MYH15: variants seen among roughly 807,000 people sequenced by gnomAD.
The protein encoded by MYH15 is myosin heavy chain 15.
A neutral mutation model predicts 240.5 loss-of-function variants in MYH15; 227 were observed. The ratio of observed to expected loss-of-function variants is 0.94; its 90% CI spans 0.85 to 1.05. The LOEUF is 1.05. MYH15 is among the 50% of genes least tolerant of loss of function. The probability of loss-of-function intolerance (pLI) is 0.00; values close to 1 mark genes in which losing one functional copy is unlikely to be tolerated. For missense variants in MYH15, 2,217 were observed against 2,247.5 expected (o/e 0.99, Z 0.27); for synonymous variants, 785 against 796.7 (o/e 0.99, Z 0.25).
chr3:108,488,115 T>G (rs1017071345), intron 9 of MYH15, among the ~76,000 whole-genome samples: 3 of 152,164 alleles, frequency 2.0e-5, no homozygotes, highest in African/African-American at 4.8e-5. Context: ...GTTAGCCATT[T>G]CAAGTATATA....
chr3:108,544,129 T>A, the MYH15 span, among the ~76,000 whole-genome samples: 3 of 152,184 alleles, frequency 2.0e-5, no homozygotes, highest in Non-Finnish European at 2.9e-5. Context: ...TTTGTTCAGC[T>A]TTTTTTCTTG....
chr3:108,517,865 T>C (rs141808857), intron 1 of MYH15, among the ~76,000 whole-genome samples: 116 of 152,340 alleles, frequency 7.6e-4, no homozygotes, highest in African/African-American at 2.7e-3. Context: ...GTTTCCACTC[T>C]AATGGACATG....
chr3:108,502,913 C>T lies in MYH15; in HGVS notation c.196-1058G>A, dbSNP rs1477856991. Reference sequence around the variant, plus strand: ...AAACCCATGCAGAACGTAAACATATCTCATACATCTTCAAAAACCTCCCCT... The same window carrying T: ...AAACCCATGCAGAACGTAAACATATTTCATACATCTTCAAAAACCTCCCCT... On this transcript the variant is annotated intron_variant, in intron 2 of 40. Transcript: ENST00000693548. Among the ~76,000 whole-genome samples the T allele has an allele frequency of 3.3e-5, 5 of 152,140 alleles. No homozygotes were observed. The East Asian group carries it at 7.7e-4, about 23-fold the overall frequency.
At chr3:108,511,880 T>C (rs1339111053), upstream of MYH15, among the ~76,000 whole-genome samples, 2 of 152,210 alleles carry the variant, frequency 1.3e-5, no homozygotes, top group African/African-American at 4.8e-5. Context: ...ATACCACTTG[T>C]AGGATCTAGT....
At chr3:108,535,635 C>T in the MYH15 span, among the ~76,000 whole-genome samples, 1 of 152,084 alleles carries the variant, frequency 6.6e-6, no homozygotes, top group African/African-American at 2.4e-5. Context: ...TTAATATACA[C>T]CCAAATTTGA....
intron 21 of MYH15, among the ~76,000 whole-genome samples, chr3:108,446,167 T>A (rs1576238755): frequency 2.0e-5 from 3 of 152,028 alleles, no homozygotes; most frequent in African/African-American, 7.3e-5. Context: ...TCAACAAGGG[T>A]GTTCCAGTAG....
upstream of MYH15, among the ~76,000 whole-genome samples, chr3:108,533,715 A>C (rs915861650): frequency 6.6e-6 from 1 of 152,228 alleles, no homozygotes; most frequent in Non-Finnish European, 1.5e-5. Context: ...AAAGGAAACC[A>C]GAATACATGT....
At position 108,395,635 on chromosome 3, in the gene MYH15, CTT is replaced by C. The variant is rs10708448; in HGVS notation, c.5134-1481_5134-1480del. ...TCTCTAATTTGTTTTTTTTTTCTTT[CTT>C]TTTTTTTTTTTTTAGGAGAAAGGGA... On this transcript the variant is annotated intron_variant, in intron 35 of 40. Coordinates refer to ENST00000693548, the MANE Select transcript of MYH15 (RefSeq NM_014981.3). 1.5e-3 allele frequency among the ~76,000 whole-genome samples: 198 copies of C among 135,476 alleles called. 1 individual carries two copies. Among genetic ancestry groups the C allele is most frequent in the Admixed American group, 1.2e-3 (17 of 13,638 alleles). The allele number at this position is 135,476 out of a possible 152,430, so 88.9% of individuals were successfully genotyped here. A position where few individuals can be genotyped will look rare whatever the true frequency, so the allele number is the denominator to read the frequency against.
intron 33 of MYH15, among the ~76,000 whole-genome samples, chr3:108,399,743 T>G (rs976758340): frequency 3.9e-5 from 6 of 152,214 alleles, no homozygotes; most frequent in African/African-American, 1.4e-4. Context: ...GATGCAGCAA[T>G]ACTGCTATAG....
At chr3:108,407,082 C>T (rs760746190) in intron 32 of MYH15, among the ~76,000 whole-genome samples, 5 of 152,128 alleles carry the variant, frequency 3.3e-5, no homozygotes, top group Non-Finnish European at 5.9e-5. Context: ...ACACTGCCAA[C>T]GAAAAGGAGT....
At chr3:108,437,441 C>T (rs1206735837) in intron 25 of MYH15, 113 bp downstream of exon 25, 34 of 1,341,038 alleles carry the variant, frequency 2.5e-5, no homozygotes, top group Non-Finnish European at 3.3e-5. Flanking sequence ...GTTATCCTTG[C>T]CTTGGGTCTT....
chr3:108,398,008 T>C lies in MYH15; in HGVS notation c.5133+629A>G, dbSNP rs114545991. Among the ~76,000 whole-genome samples, 589 of 152,288 alleles carry C rather than the reference T, an allele frequency of 3.9e-3. 7 individuals carry two copies. Among genetic ancestry groups the C allele is most frequent in the African/African-American group, 0.013 (540 of 41,548 alleles). On this transcript the variant is annotated intron_variant, in intron 35 of 40. Coordinates refer to ENST00000693548, the MANE Select transcript of MYH15 (RefSeq NM_014981.3). ...TCTCACACACACACAAAAAGATATG[T>C]TGAAGTCCTAACCCCTTATTTATCA...
intron 1 of MYH15, among the ~76,000 whole-genome samples, chr3:108,525,848 T>C (rs2083665161): frequency 6.6e-6 from 1 of 152,120 alleles, no homozygotes; most frequent in Non-Finnish European, 1.5e-5. Context: ...ATATTAAAAA[T>C]AATGCAGACT....
intron 7 of MYH15, among the ~76,000 whole-genome samples, chr3:108,493,656 T>C (rs2083370221): frequency 6.6e-6 from 1 of 152,198 alleles, no homozygotes; most frequent in Non-Finnish European, 1.5e-5. Flanking sequence ...TCATGAATCT[T>C]ATAGTCTACT....
chr3:108,508,629 A>C (rs2083497418), intron 1 of MYH15, among the ~76,000 whole-genome samples: 1 of 152,206 alleles, frequency 6.6e-6, no homozygotes, highest in Admixed American at 6.5e-5. Flanking sequence ...GAATGTTTTT[A>C]ATCACCCATA....
chr3:108,531,420 CTG>C (rs1197118486), upstream of MYH15, among the ~76,000 whole-genome samples: 1 of 152,068 alleles, frequency 6.6e-6, no homozygotes, highest in Non-Finnish European at 1.5e-5. Flanking sequence ...ACTTGAAACT[CTG>C]GGGGAGAGGG....
At chr3:108,420,973 C>T (rs963461102) in intron 28 of MYH15, 115 bp downstream of exon 28, 1 of 1,440,352 alleles carries the variant, frequency 6.9e-7, no homozygotes, top group Non-Finnish European at 9.5e-7. Flanking sequence ...CATTCCTCCC[C>T]TAGGATCTTC....
chr3:108,438,669 G>C (rs1412016797), intron 24 of MYH15, among the ~76,000 whole-genome samples: 2 of 152,104 alleles, frequency 1.3e-5, no homozygotes, highest in East Asian at 1.9e-4. Context: ...GTGATGTGAG[G>C]ACACAGGGAG....
intron 21 of MYH15, among the ~76,000 whole-genome samples, chr3:108,452,442 T>G (rs1197041039): frequency 6.6e-6 from 1 of 152,126 alleles, no homozygotes; most frequent in Non-Finnish European, 1.5e-5. Context: ...GGAAAATTGA[T>G]AAATAAATTA....
Sources: allele counts gnomAD v4.1 joint callset (sites outside exome capture counted in the v4.1 genomes callset), GRCh38; gene constraint gnomAD v4.1.1; transcripts MANE v1.5; gene names NCBI Gene and HGNC (gene_info 2026-07-23, HGNC 2026-07-21).